ARMH3: variants seen among roughly 807,000 people sequenced by gnomAD.
ARMH3 encodes the protein armadillo-like helical domain-containing protein 3.
A neutral mutation model predicts 99.1 loss-of-function variants in ARMH3; 60 were observed. The ratio of observed to expected loss-of-function variants is 0.61; its 90% CI spans 0.49 to 0.75. The LOEUF (loss-of-function observed/expected upper bound fraction) is 0.75, where lower values mean the gene tolerates loss of function less well. ARMH3 is among the 30% of genes least tolerant of loss of function. The pLI is 0.00. For synonymous variants in ARMH3, 285 were observed against 292.8 expected, an observed-to-expected ratio of 0.97 and a Z score of 0.27; for missense variants, 679 against 843.1, an observed-to-expected ratio of 0.81 and a Z score of 2.41.
intron 16 of ARMH3, 119 bp from the exon 17 acceptor site, chr10:101,993,722 C>A: frequency 1.5e-6 from 1 of 651,676 alleles, no homozygotes. Context: ...AGCTGGACAG[C>A]TAATAGGATG....
At chr10:101,937,770 C>T (rs979104637) in intron 23 of ARMH3, among the ~76,000 whole-genome samples, 5 of 152,072 alleles carry the variant, frequency 3.3e-5, no homozygotes, top group African/African-American at 1.2e-4. Context: ...AAAGGGTAAA[C>T]ATTTGCAGGC....
At chr10:101,958,333 T>C (rs968044693) in intron 20 of ARMH3, among the ~76,000 whole-genome samples, 3 of 152,366 alleles carry the variant, frequency 2.0e-5, no homozygotes, top group African/African-American at 7.2e-5. Flanking sequence ...ACAACATTTA[T>C]TGAAATCTCT....
intron 2 of ARMH3, among the ~76,000 whole-genome samples, chr10:102,036,667 T>G (rs888744043): frequency 6.6e-6 from 1 of 152,012 alleles, no homozygotes; most frequent in Non-Finnish European, 1.5e-5. Context: ...AACAGATGCT[T>G]GAAGGCAGCA....
intron 1 of ARMH3, among the ~76,000 whole-genome samples, chr10:102,051,908 C>A (rs879432145): frequency 1.3e-5 from 2 of 152,148 alleles, no homozygotes; most frequent in Admixed American, 6.6e-5. Flanking sequence ...TTCAAATTAT[C>A]CTACACAAGA....
At position 102,038,047 on chromosome 10, in the gene ARMH3, CAGG is replaced by C. The variant is rs528518890; in HGVS notation, c.102+1963_102+1965del. On this transcript the variant is annotated intron_variant, in intron 2 of 25. Coordinates refer to ENST00000370033, the MANE Select transcript of ARMH3 (RefSeq NM_024541.3). ...TTCCCATCCCCAAAGCTCACTCAAG[CAGG>C]AGTTGTATACACCAAGCTTGCGTAA... Among the ~76,000 whole-genome samples, 178 of 150,666 alleles carry C rather than the reference CAGG, an allele frequency of 1.2e-3. 1 individual carries two copies. Among genetic ancestry groups the C allele is most frequent in the African/African-American group, 4.0e-3 (165 of 40,996 alleles).
At chr10:101,952,436 A>C (rs80042778) in intron 22 of ARMH3, among the ~76,000 whole-genome samples, 1 of 152,320 alleles carries the variant, frequency 6.6e-6, no homozygotes, top group Non-Finnish European at 1.5e-5. Context: ...GACTAAATGT[A>C]ATGTGGTAAC....
chr10:102,035,704 C>T (rs561602291), intron 2 of ARMH3, among the ~76,000 whole-genome samples: 91 of 152,360 alleles, frequency 6.0e-4, no homozygotes, highest in African/African-American at 2.1e-3. Context: ...GTTCACTCAG[C>T]GCTCAATGTT....
chr10:101,933,248 T>C (rs1276357201), intron 23 of ARMH3, among the ~76,000 whole-genome samples: 1 of 151,994 alleles, frequency 6.6e-6, no homozygotes, highest in African/African-American at 2.4e-5. Context: ...TCACAAGTAA[T>C]AAAAAATAGG....
chr10:101,977,791 C>A (rs1846073757), intron 19 of ARMH3, among the ~76,000 whole-genome samples: 1 of 152,116 alleles, frequency 6.6e-6, no homozygotes, highest in African/African-American at 2.4e-5. Flanking sequence ...TCTCCTGAGC[C>A]CCCTCACCAT....
intron 20 of ARMH3, among the ~76,000 whole-genome samples, chr10:101,970,365 C>T (rs1393382261): frequency 6.6e-6 from 1 of 152,156 alleles, no homozygotes; most frequent in Admixed American, 6.5e-5. Context: ...GTCAGCTCAA[C>T]AGAAACATTA....
intron 1 of ARMH3, among the ~76,000 whole-genome samples, chr10:102,049,011 T>A (rs939224231): frequency 6.6e-6 from 1 of 151,554 alleles, no homozygotes; most frequent in Non-Finnish European, 1.5e-5. Flanking sequence ...TTTTTTTTTT[T>A]CCTTTGTGAA....
chr10:101,854,408 C>G (rs116193496), intron 24 of ARMH3, among the ~76,000 whole-genome samples: 341 of 152,312 alleles, frequency 2.2e-3, no homozygotes, highest in African/African-American at 7.8e-3. Flanking sequence ...TAACTACTTT[C>G]ACAGTCCAGG....
At chr10:101,873,273 G>A (rs1045452500) in intron 24 of ARMH3, among the ~76,000 whole-genome samples, 3 of 151,768 alleles carry the variant, frequency 2.0e-5, no homozygotes, top group South Asian at 2.1e-4. Context: ...TTAGCTGGGC[G>A]TGGTAGTGTG....
At chr10:102,000,442 T>C (rs780908125) in intron 15 of ARMH3, among the ~76,000 whole-genome samples, 1 of 151,862 alleles carries the variant, frequency 6.6e-6, no homozygotes, top group Non-Finnish European at 1.5e-5. Flanking sequence ...TTAATGGGTA[T>C]AGAGTTTCCA....
At chr10:101,849,606 A>C (rs1200627632) in intron 25 of ARMH3, among the ~76,000 whole-genome samples, 170 bp downstream of exon 25, 1 of 152,224 alleles carries the variant, frequency 6.6e-6, no homozygotes, top group Non-Finnish European at 1.5e-5. Flanking sequence ...TACTACCTCG[A>C]ATAGCATCTT....
chr10:101,861,190 A>G (rs1227803063), intron 24 of ARMH3, among the ~76,000 whole-genome samples: 1 of 152,200 alleles, frequency 6.6e-6, no homozygotes, highest in Non-Finnish European at 1.5e-5. Flanking sequence ...AAGAATAGTA[A>G]AATCAGCTAG....
At chr10:101,937,890 T>C (rs1844061093) in intron 23 of ARMH3, among the ~76,000 whole-genome samples, 1 of 152,194 alleles carries the variant, frequency 6.6e-6, no homozygotes, top group African/African-American at 2.4e-5. Context: ...AGACAGGGTC[T>C]CACTGTTACC....
At chr10:102,012,276 G>A (rs951762462) in intron 10 of ARMH3, among the ~76,000 whole-genome samples, 3 of 152,080 alleles carry the variant, frequency 2.0e-5, no homozygotes, top group African/African-American at 7.2e-5. Flanking sequence ...CCAGAATTAG[G>A]GATACTTCTG....
chr10:101,853,576 C>T (rs1004010783), intron 24 of ARMH3, among the ~76,000 whole-genome samples: 2 of 152,228 alleles, frequency 1.3e-5, no homozygotes, highest in Non-Finnish European at 2.9e-5. Flanking sequence ...AAAGGTCCTT[C>T]TCAGGTTGAA....
Sources: gnomAD v4.1 joint callset for allele counts (sites outside exome capture counted in the v4.1 genomes callset) on GRCh38, gnomAD v4.1.1 for gene constraint, MANE v1.5 for transcripts, NCBI Gene and HGNC (gene_info 2026-07-23, HGNC 2026-07-21) for gene names.